Variants in STON1 observed in about 807,000 individuals in gnomAD.
STON1 encodes the protein stonin-1.
A neutral mutation model predicts 60.9 loss-of-function variants in STON1; 79 were observed. The ratio of observed to expected loss-of-function variants is 1.30; its 90% CI spans 1.08 to 1.56. STON1 has a LOEUF of 1.56. STON1 is among the 40% of genes most tolerant of loss of function. The pLI is 0.00. For missense variants in STON1, 1,166 were observed against 858.9 expected, an observed-to-expected ratio of 1.36 and a Z score of -4.47; for synonymous variants, 363 against 306.9, an observed-to-expected ratio of 1.18 and a Z score of -1.91.
chr2:48,564,492 C>CT (rs1558604957), intron 1 of STON1, among the ~76,000 whole-genome samples: 27 of 24,606 alleles, frequency 1.1e-3, no homozygotes, highest in South Asian at 2.0e-3. Context: ...TCTTCTTCTT[C>CT]TTCTTCTTCT....
intron 1 of STON1, among the ~76,000 whole-genome samples, chr2:48,545,675 T>G (rs1040812265): frequency 6.6e-6 from 1 of 152,208 alleles, no homozygotes; most frequent in Non-Finnish European, 1.5e-5. Context: ...AACCTTATCC[T>G]TCCTGGAACT....
intron 1 of STON1, among the ~76,000 whole-genome samples, chr2:48,540,633 A>G (rs866359968): frequency 6.6e-6 from 1 of 152,190 alleles, no homozygotes; most frequent in Non-Finnish European, 1.5e-5. Context: ...CAGTAAACCT[A>G]AGTAACTTTC....
At chr2:48,568,297 A>G (rs1343076700) in intron 1 of STON1, among the ~76,000 whole-genome samples, 1 of 152,172 alleles carries the variant, frequency 6.6e-6, no homozygotes, top group Non-Finnish European at 1.5e-5. Flanking sequence ...ACAGATGCAT[A>G]CTGAAGTGGG....
At chr2:48,580,106 C>T (rs1314223340) in intron 1 of STON1, among the ~76,000 whole-genome samples, 1 of 152,078 alleles carries the variant, frequency 6.6e-6, no homozygotes, top group Non-Finnish European at 1.5e-5. Flanking sequence ...CAGGGTTTTG[C>T]TATGTTGGCC....
intron 1 of STON1, among the ~76,000 whole-genome samples, chr2:48,558,661 A>T (rs1030157641): frequency 1.3e-5 from 2 of 152,168 alleles, no homozygotes; most frequent in African/African-American, 4.8e-5. Flanking sequence ...ACATAACTCA[A>T]ATCAACAGAA....
chr2:48,531,546 G>T (rs1195463875), intron 1 of STON1: 1 of 152,308 alleles, frequency 6.6e-6, no homozygotes, highest in African/African-American at 2.4e-5. Flanking sequence ...TTAATTCTCG[G>T]ATGGGTCTGG....
chr2:48,543,227 G>C (rs559623994), intron 1 of STON1, among the ~76,000 whole-genome samples: 1 of 151,492 alleles, frequency 6.6e-6, no homozygotes, highest in Non-Finnish European at 1.5e-5. Context: ...CGCCTGCCTC[G>C]GCCTCCCAAA....
intron 1 of STON1, among the ~76,000 whole-genome samples, chr2:48,534,666 C>G (rs533510280): frequency 2.8e-4 from 43 of 152,096 alleles, no homozygotes; most frequent in African/African-American, 1.0e-3. Flanking sequence ...TGCCTGAGTC[C>G]CAAGTACTCA....
At chr2:48,553,104 G>A (rs1267844882) in intron 1 of STON1, among the ~76,000 whole-genome samples, 3 of 152,160 alleles carry the variant, frequency 2.0e-5, no homozygotes, top group African/African-American at 7.2e-5. Flanking sequence ...GGTCATTTCA[G>A]GGGTATGACT....
intron 1 of STON1, among the ~76,000 whole-genome samples, chr2:48,567,217 G>C (rs934970016): frequency 6.6e-6 from 1 of 152,170 alleles, no homozygotes; most frequent in Non-Finnish European, 1.5e-5. Flanking sequence ...TTGCGATTAA[G>C]CATTATGAGC....
intron 1 of STON1, among the ~76,000 whole-genome samples, chr2:48,552,978 G>A (rs1200550692): frequency 6.6e-6 from 1 of 152,116 alleles, no homozygotes; most frequent in Non-Finnish European, 1.5e-5. Context: ...ATGGCAAATG[G>A]ACATCCAAGG....
Position 48,582,110 on chromosome 2 carries a change from G to T in STON1, c.1477G>T (p.Val493Leu). 2 of 1,614,198 alleles carry T rather than the reference G, an allele frequency of 1.2e-6. No homozygotes were observed. The highest frequency in any genetic ancestry group is 1.1e-5 in the South Asian group (1 of 91,080). ...CTACCATTTTCATAAGTGTGTGAAT[G>T]TACAAGAATTTGAGCAATCAAGAAT... ...LDYHFHKCVNVQEFEQSRIIK... is the reference protein window; with the variant it reads ...LDYHFHKCVNLQEFEQSRIIK... The change falls in exon 2 of 4, where the codon GTA becomes TTA. Residue 493 changes from valine (V) to leucine (L), a missense_variant. Val to Leu is a conservative substitution (Grantham distance 32). Transcript: ENST00000404752.
At position 48,581,987 on chromosome 2, in the gene STON1, C is replaced by T. The variant is rs1446146224; in HGVS notation, c.1354C>T (p.Leu452=). 1 of 1,614,154 alleles carries T rather than the reference C, an allele frequency of 6.2e-7. No individual in the cohort carries two copies. Residue 452 remains leucine, a synonymous_variant, in exon 2 of 4, where the codon CTG becomes TTG. Coordinates refer to ENST00000404752, the MANE Select transcript of STON1 (RefSeq NM_006873.4). ...TTGCCTCTGCTTTGTGAATGGGAAC[C>T]TGGAATGCTTTTTAACCTTGAATGA... ...IYCLCFVNGN[L]ECFLTLNDLE... is the part of the protein sequence containing the mutation.
At chr2:48,537,474 T>C (rs1257453022) in intron 1 of STON1, among the ~76,000 whole-genome samples, 1 of 152,230 alleles carries the variant, frequency 6.6e-6, no homozygotes, top group African/African-American at 2.4e-5. Flanking sequence ...TATATTATTC[T>C]GTAGGGTATC....
chr2:48,581,223 C>G lies in STON1; in HGVS notation c.590C>G (p.Thr197Ser). The change falls in exon 2 of 4, where the codon ACC becomes AGC. Residue 197 changes from threonine (T) to serine (S), a missense_variant. By Grantham distance (58) the Thr-to-Ser change is moderately conservative. Transcript: ENST00000404752. ...WKDEGSDSHF[T>S]LDPPGSKKMF... ...GATGAAGGCAGTGATTCCCATTTCA[C>G]CCTTGACCCACCAGGAAGCAAAAAG... 1.3e-6 allele frequency: 2 copies of G among 1,520,136 alleles called. No individual in the cohort carries two copies. Among genetic ancestry groups the G allele is most frequent in the Non-Finnish European group, 1.8e-6 (2 of 1,140,446 alleles). 94.2% of individuals were successfully genotyped at this position (1,520,136 alleles called of 1,614,324 possible).
At position 48,598,075 on chromosome 2, in the gene STON1, T is replaced by C. The variant is rs557370158; in HGVS notation, c.*2773T>C. On this transcript the variant is annotated 3_prime_UTR_variant, in exon 4 of 4. Coordinates refer to ENST00000404752, the MANE Select transcript of STON1 (RefSeq NM_006873.4). ...AAGGAGTTGACCAGTTTGTGACTAG[T>C]CTGGTCACCTTTCCAGTTACAGGAT... 49 of 152,336 alleles carry C rather than the reference T, an allele frequency of 3.2e-4. 1 individual carries two copies. The highest frequency in any genetic ancestry group is 1.1e-3 in the African/African-American group (47 of 41,562). 9.4% of individuals were successfully genotyped at this position (152,336 alleles called of 1,614,324 possible). A position where few individuals can be genotyped will look rare whatever the true frequency, so the allele number is the denominator to read the frequency against.
rs769133080 is a variant in STON1 at position 48,598,358 on chromosome 2, G to A, written c.*3056G>A. ...CTTTTCTTATAAAGTCAGTTAGAAG[G>A]ACTTCCTTAACAATGACTATTATAA... On this transcript the variant is annotated 3_prime_UTR_variant, in exon 4 of 4. Coordinates refer to ENST00000404752, the MANE Select transcript of STON1 (RefSeq NM_006873.4). 3.3e-5 allele frequency: 5 copies of A among 152,542 alleles called. No individual in the cohort carries two copies. The highest frequency in any genetic ancestry group is 5.9e-5 in the Non-Finnish European group (4 of 68,024). The allele number at this position is 152,542 out of a possible 1,614,324, so 9.4% of individuals were successfully genotyped here. A position where few individuals can be genotyped will look rare whatever the true frequency, so the allele number is the denominator to read the frequency against.
At chr2:48,578,451 T>G (rs1673653530) in intron 1 of STON1, among the ~76,000 whole-genome samples, 1 of 152,146 alleles carries the variant, frequency 6.6e-6, no homozygotes, top group Non-Finnish European at 1.5e-5. Context: ...ATCAGCTATC[T>G]GTAGTGTTAG....
At position 48,556,773 on chromosome 2, in the gene STON1, G is replaced by T. The variant is rs567813346; in HGVS notation, c.-47-23814G>T. On this transcript the variant is annotated intron_variant, in intron 1 of 3. Coordinates refer to ENST00000404752, the MANE Select transcript of STON1 (RefSeq NM_006873.4). ...TGACCCCCCCACCTCCCTCCTGGAC[G>T]GCACGGCTGCCCGGGCGGGGGGGCT... Among the ~76,000 whole-genome samples the T allele has an allele frequency of 3.2e-3, 160 of 50,272 alleles. 17 individuals are homozygous for T. The highest frequency in any genetic ancestry group is 5.1e-3 in the Admixed American group (34 of 6,630). The allele number at this position is 50,272 out of a possible 152,430, so 33.0% of individuals were successfully genotyped here. A position where few individuals can be genotyped will look rare whatever the true frequency, so the allele number is the denominator to read the frequency against.
Sources: gnomAD v4.1 joint callset for allele counts (sites outside exome capture counted in the v4.1 genomes callset) on GRCh38, gnomAD v4.1.1 for gene constraint, MANE v1.5 for transcripts, NCBI Gene and HGNC (gene_info 2026-07-23, HGNC 2026-07-21) for gene names.